The following CHRM3 variants were observed in gnomAD, a reference collection of about 807,000 sequenced individuals.
CHRM3 encodes muscarinic acetylcholine receptor M3.
CHRM3 carries 11 observed loss-of-function variants against 41.8 expected under a neutral mutation model. That is an observed-to-expected ratio of 0.26 (90% CI 0.17 to 0.44). CHRM3 has a LOEUF of 0.44. CHRM3 is among the 20% of genes least tolerant of loss of function. The pLI is 1.00. For synonymous variants in CHRM3, 297 were observed against 301.4 expected (o/e 0.99, Z 0.15); for missense variants, 571 against 745.4 (o/e 0.77, Z 2.72).
intron 1 of CHRM3, among the ~76,000 whole-genome samples, chr1:239,465,517 G>A (rs1039567760): frequency 6.6e-6 from 1 of 152,160 alleles, no homozygotes; most frequent in Non-Finnish European, 1.5e-5. Flanking sequence ...AAGATTGGAT[G>A]TGGTGTTGGC....
At chr1:239,828,447 A>T (rs1672640196) in intron 6 of CHRM3, among the ~76,000 whole-genome samples, 1 of 152,160 alleles carries the variant, frequency 6.6e-6, no homozygotes, top group South Asian at 2.1e-4. Context: ...ACTGGCATGA[A>T]GAAAAATTAT....
intron 1 of CHRM3, among the ~76,000 whole-genome samples, chr1:239,411,969 T>G (rs996077881): frequency 1.3e-5 from 2 of 151,880 alleles, no homozygotes; most frequent in African/African-American, 4.8e-5. Context: ...ACTACTGTGT[T>G]TTGCTTTTTG....
At chr1:239,523,984 A>G (rs1380257334) in intron 2 of CHRM3, among the ~76,000 whole-genome samples, 3 of 152,180 alleles carry the variant, frequency 2.0e-5, no homozygotes, top group Non-Finnish European at 4.4e-5. Context: ...AGTGGGAGCT[A>G]CAGGATGAAA....
intron 4 of CHRM3, among the ~76,000 whole-genome samples, chr1:239,654,336 G>T (rs904539300): frequency 6.6e-6 from 1 of 152,136 alleles, no homozygotes; most frequent in African/African-American, 2.4e-5. Flanking sequence ...GATAAGGAGG[G>T]ATTCAATTTT....
chr1:239,426,624 G>A (rs1029819231), intron 1 of CHRM3, among the ~76,000 whole-genome samples: 7 of 152,076 alleles, frequency 4.6e-5, no homozygotes, highest in African/African-American at 1.4e-4. Context: ...AAAAAAAGTG[G>A]AATTCTGTTA....
At chr1:239,632,186 A>T (rs1669925157) in intron 3 of CHRM3, 38 bp from the exon 4 acceptor site, 1 of 152,108 alleles carries the variant, frequency 6.6e-6, no homozygotes, top group Non-Finnish European at 1.5e-5. Context: ...GTTATTTGTT[A>T]ATCCCATATT....
Position 239,903,246 on chromosome 1 carries a change from T to A in CHRM3, c.-19-4187T>A, listed in dbSNP as rs1343098514. On this transcript the variant is annotated intron_variant, in intron 6 of 6. Transcript: ENST00000676153. ...ACTGACCTTAGGCTAATTTCGAAAA[T>A]TTTTACTTATATTCTTCAACAATAT... 2.6e-5 allele frequency among the ~76,000 whole-genome samples: 4 copies of A among 152,294 alleles called. No homozygotes were observed. The East Asian group carries it at 7.7e-4, about 29-fold the overall frequency.
At chr1:239,586,409 C>T (rs549106071) in intron 3 of CHRM3, among the ~76,000 whole-genome samples, 1 of 152,064 alleles carries the variant, frequency 6.6e-6, no homozygotes, top group Admixed American at 6.5e-5. Flanking sequence ...TATTTTTTTG[C>T]AGCATGGAAG....
rs1658538676 is a variant in CHRM3, at chr1:239,386,737, G to A, written c.-1011G>A. ...GGAGCGCCTTCTCTCTGCTTTTGGA[G>A]AAAGGGAATACACGATAAAGAAGGA... On this transcript the variant is annotated 5_prime_UTR_variant, in exon 1 of 7. Transcript: ENST00000676153. The A allele has an allele frequency of 1.3e-5, 2 of 152,382 alleles. No individual in the cohort carries two copies. Among genetic ancestry groups the A allele is most frequent in the African/African-American group, 2.4e-5 (1 of 41,442 alleles). 9.4% of individuals were successfully genotyped at this position (152,382 alleles called of 1,614,324 possible).
chr1:239,893,643 G>A (rs1678732657), intron 6 of CHRM3, among the ~76,000 whole-genome samples: 1 of 150,922 alleles, frequency 6.6e-6, no homozygotes, highest in African/African-American at 2.4e-5. Flanking sequence ...AAGGACAGAA[G>A]TGATTGGCAG....
chr1:239,424,766 G>A (rs1662237602), intron 1 of CHRM3, among the ~76,000 whole-genome samples: 1 of 152,178 alleles, frequency 6.6e-6, no homozygotes, highest in Non-Finnish European at 1.5e-5. Flanking sequence ...GGGGATGGAG[G>A]GGTACAGTGC....
chr1:239,506,680 G>A (rs529915198), intron 2 of CHRM3, among the ~76,000 whole-genome samples: 2 of 152,280 alleles, frequency 1.3e-5, no homozygotes, highest in South Asian at 4.2e-4. Context: ...TGAGAAGGGG[G>A]CCATCGTCCT....
intron 5 of CHRM3, among the ~76,000 whole-genome samples, chr1:239,701,014 T>C (rs1487602918): frequency 6.6e-6 from 1 of 152,204 alleles, no homozygotes; most frequent in Non-Finnish European, 1.5e-5. Flanking sequence ...TTAAAACCTG[T>C]GTGACGCTTT....
At chr1:239,813,807 C>T (rs1239581098) in intron 5 of CHRM3, among the ~76,000 whole-genome samples, 1 of 130,044 alleles carries the variant, frequency 7.7e-6, no homozygotes, top group African/African-American at 3.3e-5. Context: ...GTCCCAGCTA[C>T]TCGGGAGGCT....
intron 5 of CHRM3, among the ~76,000 whole-genome samples, chr1:239,767,976 G>A (rs1667356942): frequency 6.6e-6 from 1 of 152,086 alleles, no homozygotes; most frequent in Non-Finnish European, 1.5e-5. Context: ...AATGCTACTG[G>A]TCCATAGGTC....
intron 5 of CHRM3, among the ~76,000 whole-genome samples, chr1:239,715,470 G>A (rs1337470833): frequency 6.6e-6 from 1 of 152,088 alleles, no homozygotes; most frequent in East Asian, 1.9e-4. Flanking sequence ...CACCATGGCT[G>A]GAGTAAAACT....
intron 5 of CHRM3, among the ~76,000 whole-genome samples, chr1:239,687,280 G>A (rs545725667): frequency 1.3e-5 from 2 of 151,970 alleles, no homozygotes; most frequent in African/African-American, 2.4e-5. Flanking sequence ...TCATTTTAAT[G>A]GCAGCCCCTG....
chr1:239,568,085 G>GCAACC (rs1225731504), intron 3 of CHRM3, among the ~76,000 whole-genome samples: 2 of 152,140 alleles, frequency 1.3e-5, no homozygotes. Context: ...CGGCTGCAGA[G>GCAACC]CAACCCCCAC....
chr1:239,404,406 AAGAAAAAGAAAG>A (rs1558195651), intron 1 of CHRM3, among the ~76,000 whole-genome samples: 389 of 53,600 alleles, frequency 7.3e-3, no homozygotes, highest in South Asian at 0.013. Flanking sequence ...GAAAGAAAGA[AAGAAAAAGAAAG>A]AAAGAAAGAA....
Sources: gnomAD v4.1 joint callset for allele counts (sites outside exome capture counted in the v4.1 genomes callset) on GRCh38, gnomAD v4.1.1 for gene constraint, MANE v1.5 for transcripts, NCBI Gene and HGNC (gene_info 2026-07-23, HGNC 2026-07-21) for gene names.